ZDHHC21: variants seen among roughly 807,000 people sequenced by gnomAD.
ZDHHC21 encodes zDHHC palmitoyltransferase 21.
A neutral mutation model predicts 34.6 loss-of-function variants in ZDHHC21; 15 were observed. That is an observed-to-expected ratio of 0.43 (90% CI 0.29 to 0.67). ZDHHC21 has a LOEUF of 0.67. Ranked by LOEUF, ZDHHC21 falls within the 30% of genes least tolerant of loss-of-function variation. The pLI, the probability that ZDHHC21 is intolerant of heterozygous loss-of-function variation, is 0.14. For missense variants in ZDHHC21, 344 were observed against 327.7 expected (o/e 1.05, Z -0.38); for synonymous variants, 142 against 101.8 (o/e 1.40, Z -2.38).
intron 7 of ZDHHC21, among the ~76,000 whole-genome samples, chr9:14,643,159 G>T (rs1829675345): frequency 1.3e-5 from 2 of 152,254 alleles, no homozygotes; most frequent in Non-Finnish European, 2.9e-5. Flanking sequence ...GAGGCAGGAG[G>T]ATCACGTGAA....
chr9:14,681,121 A>C (rs991404983), intron 2 of ZDHHC21, among the ~76,000 whole-genome samples: 1 of 152,220 alleles, frequency 6.6e-6, no homozygotes, highest in Non-Finnish European at 1.5e-5. Context: ...TAAATTTTAT[A>C]ACATTACTAG....
intron 2 of ZDHHC21, among the ~76,000 whole-genome samples, chr9:14,681,592 C>G (rs1396610929): frequency 2.6e-5 from 4 of 152,180 alleles, no homozygotes; most frequent in South Asian, 2.1e-4. Flanking sequence ...AAGACACAAT[C>G]TGAGGGCTGA....
chr9:14,690,487 A>G (rs1461895393), intron 1 of ZDHHC21, 102 bp from the exon 2 acceptor site: 4 of 393,156 alleles, frequency 1.0e-5, no homozygotes, highest in South Asian at 5.8e-5. Context: ...GAATGGTAAA[A>G]TATCAATTTT....
chr9:14,684,403 C>A (rs1837938850), intron 2 of ZDHHC21, among the ~76,000 whole-genome samples: 2 of 147,986 alleles, frequency 1.4e-5, no homozygotes, highest in African/African-American at 2.5e-5. Flanking sequence ...TCTTATACAC[C>A]AACAACAGAC....
At position 14,627,379 on chromosome 9, in the gene ZDHHC21, G is replaced by A. The variant is rs952479112; in HGVS notation, c.622-7697C>T. On this transcript the variant is annotated intron_variant, in intron 8 of 9. Transcript: ENST00000380916. ...TTAAATATGAGCCAGTATTTAGGGGGGAAAACATTTTCTTCTTAATTTGAA... is the reference window on the plus strand; with the variant it reads ...TTAAATATGAGCCAGTATTTAGGGGAGAAAACATTTTCTTCTTAATTTGAA... Among the ~76,000 whole-genome samples the A allele has an allele frequency of 2.0e-5, 3 of 152,140 alleles. No individual in the cohort carries two copies. The South Asian group carries it at 6.2e-4, about 32-fold the overall frequency.
chr9:14,623,615 G>C (rs1322040844), intron 8 of ZDHHC21, among the ~76,000 whole-genome samples: 1 of 114,838 alleles, frequency 8.7e-6, no homozygotes, highest in Admixed American at 9.7e-5. Context: ...TTAATACCCA[G>C]AATACATAAG....
At chr9:14,599,586 G>C in the ZDHHC21 span, among the ~76,000 whole-genome samples, 2 of 151,894 alleles carry the variant, frequency 1.3e-5, no homozygotes. Flanking sequence ...GTGGCGCCTG[G>C]AATGTCAGCA....
At chr9:14,596,042 C>A in the ZDHHC21 span, among the ~76,000 whole-genome samples, 100 of 152,272 alleles carry the variant, frequency 6.6e-4, no homozygotes, top group Middle Eastern at 6.8e-3. Context: ...ATAAACCTAC[C>A]ATTCAACCCA....
At chr9:14,674,819 G>T (rs1836078009) in intron 3 of ZDHHC21, among the ~76,000 whole-genome samples, 2 of 151,904 alleles carry the variant, frequency 1.3e-5, no homozygotes. Flanking sequence ...TCAAAACAGT[G>T]GTTACCTTGT....
At chr9:14,603,529 A>C in the ZDHHC21 span, among the ~76,000 whole-genome samples, 1 of 152,172 alleles carries the variant, frequency 6.6e-6, no homozygotes, top group African/African-American at 2.4e-5. Context: ...TACTTCTATG[A>C]AGACCCAGTA....
chr9:14,669,673 C>A (rs1298140700), intron 5 of ZDHHC21, among the ~76,000 whole-genome samples: 1 of 145,912 alleles, frequency 6.9e-6, no homozygotes, highest in Non-Finnish European at 1.5e-5. Context: ...ACTATGCAGC[C>A]ATAAAAAATG....
At chr9:14,607,937 G>A (rs915618559), downstream of ZDHHC21, among the ~76,000 whole-genome samples, 7 of 152,130 alleles carry the variant, frequency 4.6e-5, no homozygotes, top group Admixed American at 3.9e-4. Flanking sequence ...GCACTTCACA[G>A]CACAGTATCG....
At chr9:14,634,567 T>C (rs1219763011) in intron 8 of ZDHHC21, among the ~76,000 whole-genome samples, 1 of 152,160 alleles carries the variant, frequency 6.6e-6, no homozygotes, top group Non-Finnish European at 1.5e-5. Context: ...AAGCCACTGA[T>C]GAAATCACAG....
the ZDHHC21 span, chr9:14,594,346 G>A: frequency 1.3e-5 from 2 of 152,172 alleles, no homozygotes; most frequent in East Asian, 3.9e-4. Context: ...CTACAGAGTG[G>A]TATTGTTATA....
the ZDHHC21 span, among the ~76,000 whole-genome samples, chr9:14,595,779 A>C: frequency 6.6e-6 from 1 of 152,336 alleles, no homozygotes; most frequent in East Asian, 1.9e-4. Context: ...GAAGGAAAAA[A>C]AAGAAGACAT....
At chr9:14,639,718 A>C (rs1384936059) in intron 8 of ZDHHC21, among the ~76,000 whole-genome samples, 178 bp downstream of exon 8, 1 of 152,124 alleles carries the variant, frequency 6.6e-6, no homozygotes, top group Non-Finnish European at 1.5e-5. Flanking sequence ...AGGATACAAA[A>C]TTGTGTATAC....
Position 14,613,891 on chromosome 9 carries a change from T to C in ZDHHC21, c.*5075A>G, listed in dbSNP as rs1473647035. The C allele has an allele frequency of 1.3e-5, 2 of 151,788 alleles. No homozygotes were observed. The highest frequency in any genetic ancestry group is 3.0e-5 in the Non-Finnish European group (2 of 67,764). 9.4% of individuals were successfully genotyped at this position (151,788 alleles called of 1,614,324 possible). A position where few individuals can be genotyped will look rare whatever the true frequency, so the allele number is the denominator to read the frequency against. ...GCATTAAATAGCTGAGTTTTCCACA[T>C]TATTTTTAACACTTCACATGATCAT... is the stretch of plus-strand genomic sequence containing the variant. On this transcript the variant is annotated 3_prime_UTR_variant, in exon 10 of 10. Coordinates refer to ENST00000380916, the MANE Select transcript of ZDHHC21 (RefSeq NM_178566.6).
intron 6 of ZDHHC21, among the ~76,000 whole-genome samples, chr9:14,659,894 G>C (rs1833028588): frequency 6.6e-6 from 1 of 152,102 alleles, no homozygotes; most frequent in Non-Finnish European, 1.5e-5. Context: ...ACACTCAAAA[G>C]TGCTCTTCAA....
chr9:14,640,968 C>G (rs1048566501), intron 7 of ZDHHC21, among the ~76,000 whole-genome samples: 2 of 152,162 alleles, frequency 1.3e-5, no homozygotes, highest in East Asian at 1.9e-4. Context: ...TCCTGGAAAT[C>G]TGCTGTTGCT....
Sources: gnomAD v4.1 joint callset for allele counts (sites outside exome capture counted in the v4.1 genomes callset) on GRCh38, gnomAD v4.1.1 for gene constraint, MANE v1.5 for transcripts, NCBI Gene and HGNC (gene_info 2026-07-23, HGNC 2026-07-21) for gene names.